The following RANBP2 variants were observed in gnomAD, a reference collection of about 807,000 sequenced individuals.
The protein encoded by RANBP2 is RAN binding protein 2.
A neutral mutation model predicts 303.6 loss-of-function variants in RANBP2; 57 were observed. The observed-to-expected ratio is 0.19, with a 90% CI of 0.15 to 0.23. The LOEUF (loss-of-function observed/expected upper bound fraction) is 0.23. Ranked by LOEUF, RANBP2 falls within the 10% of genes least tolerant of loss-of-function variation. The probability of loss-of-function intolerance (pLI) is 1.00; values close to 1 mark genes in which losing one functional copy is unlikely to be tolerated. For missense variants in RANBP2, 3,138 were observed against 3,780.8 expected (o/e 0.83, Z 4.46); for synonymous variants, 1,167 against 1,301.5 (o/e 0.90, Z 2.23).
the RANBP2 span, among the ~76,000 whole-genome samples, chr2:109,432,946 T>C: frequency 6.6e-6 from 1 of 152,206 alleles, no homozygotes; most frequent in Non-Finnish European, 1.5e-5. Context: ...GTCACCAGAA[T>C]GAGGTCTCAA....
At chr2:109,445,795 C>G in the RANBP2 span, among the ~76,000 whole-genome samples, 10 of 152,120 alleles carry the variant, frequency 6.6e-5, no homozygotes, top group East Asian at 1.7e-3. Context: ...CATTTCATCC[C>G]TGAAGTGGGA....
chr2:109,403,830 C>T, the RANBP2 span, among the ~76,000 whole-genome samples: 1 of 152,210 alleles, frequency 6.6e-6, no homozygotes, highest in Admixed American at 6.5e-5. Flanking sequence ...AGCTGCCTGA[C>T]CTCTTCCCAA....
Position 108,731,691 on chromosome 2 carries a change from T to A in RANBP2, c.405+217T>A, listed in dbSNP as rs1244297711. On this transcript the variant is annotated intron_variant, in intron 4 of 28. Transcript: ENST00000283195. ...TGACATCTCATTTACCTTTCTGGAA[T>A]AATTAATATTTTAGGGATTTTACAG... 3.5e-5 allele frequency: 32 copies of A among 918,602 alleles called. No individual in the cohort carries two copies. The Middle Eastern group carries it at 1.5e-3, about 44-fold the overall frequency. 56.9% of individuals were successfully genotyped at this position (918,602 alleles called of 1,614,324 possible). A position where few individuals can be genotyped will look rare whatever the true frequency, so the allele number is the denominator to read the frequency against.
At chr2:109,647,626 G>A in the RANBP2 span, among the ~76,000 whole-genome samples, 1 of 151,880 alleles carries the variant, frequency 6.6e-6, no homozygotes, top group Non-Finnish European at 1.5e-5. Flanking sequence ...CTGACACCAT[G>A]CCCAGCTAAT....
chr2:109,522,459 G>T, the RANBP2 span, among the ~76,000 whole-genome samples: 1 of 151,998 alleles, frequency 6.6e-6, no homozygotes, highest in Admixed American at 6.6e-5. Flanking sequence ...ACCATGCCCA[G>T]CTAATTTTTG....
At chr2:108,869,448 C>G in the RANBP2 span, among the ~76,000 whole-genome samples, 14 of 152,166 alleles carry the variant, frequency 9.2e-5, no homozygotes, top group Non-Finnish European at 1.3e-4. Context: ...TGGTTTCAGA[C>G]TTGCCTCGTT....
At chr2:109,533,898 C>T in the RANBP2 span, among the ~76,000 whole-genome samples, 23 of 152,176 alleles carry the variant, frequency 1.5e-4, no homozygotes, top group Admixed American at 8.5e-4. Flanking sequence ...ACTTGTCTCC[C>T]GCCATGTGGA....
the RANBP2 span, among the ~76,000 whole-genome samples, chr2:109,539,799 C>T: frequency 6.6e-6 from 1 of 152,168 alleles, no homozygotes; most frequent in Non-Finnish European, 1.5e-5. Context: ...TAAATGAAAT[C>T]ATGCTGTATG....
At chr2:109,309,793 A>G in the RANBP2 span, among the ~76,000 whole-genome samples, 5 of 121,700 alleles carry the variant, frequency 4.1e-5, no homozygotes, top group South Asian at 1.3e-3. Flanking sequence ...AGAGCTAACT[A>G]TCCTAAATAG....
At chr2:109,504,130 G>A in the RANBP2 span, 4 of 152,368 alleles carry the variant, frequency 2.6e-5, no homozygotes, top group East Asian at 7.7e-4. Context: ...GCAGAGAAGA[G>A]CAGGAGCAGA....
chr2:109,066,379 T>G, the RANBP2 span, among the ~76,000 whole-genome samples: 1 of 152,172 alleles, frequency 6.6e-6, no homozygotes, highest in African/African-American at 2.4e-5. Flanking sequence ...AGTGCTGGGA[T>G]TATAGGCGTG....
chr2:109,199,848 G>A, the RANBP2 span, among the ~76,000 whole-genome samples: 262 of 44,104 alleles, frequency 5.9e-3, no homozygotes, highest in African/African-American at 0.015. Context: ...GGAATGGAAT[G>A]GAAATAACAA....
chr2:109,386,690 G>A, the RANBP2 span, among the ~76,000 whole-genome samples: 1 of 152,148 alleles, frequency 6.6e-6, no homozygotes, highest in African/African-American at 2.4e-5. Flanking sequence ...TCTCCCTCAG[G>A]TGTCAGTCCA....
chr2:108,891,396 C>T, the RANBP2 span, among the ~76,000 whole-genome samples: 4 of 152,236 alleles, frequency 2.6e-5, no homozygotes, highest in East Asian at 1.9e-4. Flanking sequence ...TCTGGATGCA[C>T]GTAGTAATGT....
the RANBP2 span, among the ~76,000 whole-genome samples, chr2:109,711,000 C>G: frequency 6.6e-6 from 1 of 151,914 alleles, no homozygotes; most frequent in African/African-American, 2.4e-5. Context: ...TCCCTATGCC[C>G]TCTCTCTGCT....
chr2:109,614,056 G>T, the RANBP2 span: 25 of 1,212,310 alleles, frequency 2.1e-5, no homozygotes, highest in Non-Finnish European at 2.5e-5. Context: ...TGCGCCAAGC[G>T]AGCCCCTCAC....
chr2:108,999,231 T>C, the RANBP2 span, among the ~76,000 whole-genome samples: 2 of 152,228 alleles, frequency 1.3e-5, no homozygotes, highest in East Asian at 3.8e-4. Context: ...TAACAGTACC[T>C]ACTTCATAGG....
At chr2:108,852,223 G>A in the RANBP2 span, among the ~76,000 whole-genome samples, 1 of 152,192 alleles carries the variant, frequency 6.6e-6, no homozygotes. Flanking sequence ...AGTATGTGAT[G>A]CTCAATCTCT....
At chr2:108,986,419 T>A in the RANBP2 span, among the ~76,000 whole-genome samples, 2 of 152,122 alleles carry the variant, frequency 1.3e-5, no homozygotes, top group African/African-American at 2.4e-5. Context: ...ATTTTTATAA[T>A]CCCTGGTGGC....
Sources: allele counts gnomAD v4.1 joint callset (sites outside exome capture counted in the v4.1 genomes callset), GRCh38; gene constraint gnomAD v4.1.1; transcripts MANE v1.5; gene names NCBI Gene and HGNC (gene_info 2026-07-23, HGNC 2026-07-21).